Variants in EZH2 observed in about 807,000 individuals in gnomAD.
EZH2 encodes enhancer of zeste 2 polycomb repressive complex 2 subunit, also known as histone-lysine N-methyltransferase EZH2.
A neutral mutation model predicts 98.4 loss-of-function variants in EZH2; 18 were observed. That is an observed-to-expected ratio of 0.18 (90% CI 0.13 to 0.27). EZH2 has a LOEUF of 0.27. Among genes scored for constraint, EZH2 ranks in the 10% least tolerant of loss-of-function variants. The pLI is 1.00. For synonymous variants in EZH2, 338 were observed against 312.3 expected, an observed-to-expected ratio of 1.08 and a Z score of -0.87; for missense variants, 470 against 935.1, an observed-to-expected ratio of 0.50 and a Z score of 6.49.
chr7:148,832,443 A>G (rs991334449), intron 4 of EZH2, among the ~76,000 whole-genome samples, 191 bp downstream of exon 4: 8 of 152,198 alleles, frequency 5.3e-5, no homozygotes, highest in Non-Finnish European at 1.2e-4. Flanking sequence ...TGGAGAGTAT[A>G]GGAAAAGAGT....
In EZH2 at chr7:148,826,485, A is replaced by G. The variant is rs1433644033; in HGVS notation, c.876T>C (p.Tyr292=). Residue 292 remains tyrosine, a synonymous_variant, in exon 8 of 20, where the codon TAT becomes TAC. Transcript: ENST00000320356. The part of the protein sequence containing the change: ...HTLFCRRCFK[Y]DCFLHRKCNY... ...TGCACTTACGATGTAGGAAGCAGTC[A>G]TATTTAAAACATCGCCTACAGAAAA... The G allele has an allele frequency of 5.6e-6, 9 of 1,597,034 alleles. No homozygotes were observed. The highest frequency in any genetic ancestry group is 6.8e-6 in the Non-Finnish European group (8 of 1,170,542).
intron 1 of EZH2, among the ~76,000 whole-genome samples, chr7:148,882,820 G>T (rs1013220678): frequency 1.3e-5 from 2 of 152,174 alleles, no homozygotes; most frequent in African/African-American, 2.4e-5. Flanking sequence ...ATTTCCAAAT[G>T]AATTTAAATG....
chr7:148,858,291 C>A (rs80256707), intron 1 of EZH2, among the ~76,000 whole-genome samples: 20 of 144,606 alleles, frequency 1.4e-4, no homozygotes, highest in Non-Finnish European at 1.5e-4. Flanking sequence ...GACTCTGTCT[C>A]AAAAAAAAAA....
chr7:148,825,370 G>A (rs1807392492), intron 8 of EZH2, among the ~76,000 whole-genome samples: 1 of 152,192 alleles, frequency 6.6e-6, no homozygotes, highest in Admixed American at 6.5e-5. Flanking sequence ...CAAGAGCAAG[G>A]AGGTAACAAT....
chr7:148,826,430 C>A, intron 8 of EZH2, 24 bp downstream of exon 8: 1 of 1,526,054 alleles, frequency 6.6e-7, no homozygotes, highest in Non-Finnish European at 8.8e-7. Flanking sequence ...AATTCCACAA[C>A]AAAGATAGAA....
At chr7:148,859,680 C>T (rs1009492626) in intron 1 of EZH2, among the ~76,000 whole-genome samples, 3 of 152,200 alleles carry the variant, frequency 2.0e-5, no homozygotes, top group Non-Finnish European at 2.9e-5. Flanking sequence ...GCCCATGGGA[C>T]ACAGAGATCC....
rs776298138 is a variant in EZH2, at chr7:148,828,828, A to C, written c.537T>G (p.Gly179=). The change falls in exon 6 of 20, where the codon GGT becomes GGG. Residue 179 remains glycine, a synonymous_variant. Transcript: ENST00000320356. ...EIFVELVNAL[G]QYNDDDDDDD... is the part of the protein sequence containing the mutation. The stretch of plus-strand genomic sequence containing the variant: ...CATCATCGTCATCATCATTATATTG[A>C]CCAAGGGCATTCACCAACTCCACAA... 10 of 1,613,592 alleles carry C rather than the reference A, an allele frequency of 6.2e-6. No homozygotes were observed. In the Admixed American group the frequency reaches 8.3e-5, roughly 13 times the overall value.
intron 1 of EZH2, among the ~76,000 whole-genome samples, chr7:148,862,930 T>TTTTTA (rs1563057916): frequency 1.3e-5 from 2 of 151,300 alleles, no homozygotes; most frequent in African/African-American, 4.9e-5. Flanking sequence ...TTTGTTTTTT[T>TTTTTA]AAAAAAAAGC....
intron 8 of EZH2, among the ~76,000 whole-genome samples, chr7:148,824,378 G>C (rs1429329913): frequency 6.6e-6 from 1 of 150,448 alleles, no homozygotes; most frequent in African/African-American, 2.4e-5. Flanking sequence ...TACCATCTGA[G>C]TCAATGATGG....
intron 8 of EZH2, among the ~76,000 whole-genome samples, chr7:148,826,092 T>G (rs1014524471): frequency 2.6e-4 from 40 of 152,168 alleles, no homozygotes; most frequent in Non-Finnish European, 7.3e-5. Flanking sequence ...AACATTTTTT[T>G]GGCCAATTTC....
chr7:148,839,568 AT>A (rs1053607777), intron 3 of EZH2, among the ~76,000 whole-genome samples: 11 of 149,838 alleles, frequency 7.3e-5, no homozygotes, highest in South Asian at 6.4e-4. Context: ...AAAAAAAACT[AT>A]TTTTTTTTGT....
chr7:148,865,031 G>A (rs1025451423), intron 1 of EZH2, among the ~76,000 whole-genome samples: 9 of 151,892 alleles, frequency 5.9e-5, no homozygotes, highest in Non-Finnish European at 2.9e-5. Context: ...GGAGTCTGAG[G>A]CAGGAGAATC....
At chr7:148,864,125 T>C (rs1449320281) in intron 1 of EZH2, among the ~76,000 whole-genome samples, 2 of 152,234 alleles carry the variant, frequency 1.3e-5, no homozygotes, top group Non-Finnish European at 2.9e-5. Flanking sequence ...AACTTGACCG[T>C]TGCAGCAAAA....
intron 1 of EZH2, among the ~76,000 whole-genome samples, chr7:148,854,193 C>G (rs1009289037): frequency 2.6e-5 from 4 of 152,172 alleles, no homozygotes; most frequent in African/African-American, 9.7e-5. Flanking sequence ...CGCCAATAAT[C>G]CCAGCACTTT....
rs924758768 is a variant in EZH2, at chr7:148,810,896, C to CAAA, written c.1948-485_1948-483dup. Among the ~76,000 whole-genome samples the CAAA allele has an allele frequency of 3.6e-3, 157 of 43,648 alleles. 3 individuals are homozygous for CAAA. Among genetic ancestry groups the CAAA allele is most frequent in the Middle Eastern group, 0.011 (1 of 88 alleles). 28.6% of individuals were successfully genotyped at this position (43,648 alleles called of 152,430 possible). A position where few individuals can be genotyped will look rare whatever the true frequency, so the allele number is the denominator to read the frequency against. ...GGGCAACAAGAGCGAAACTCTGTCTCAAAAAAAAAAAAAAAAAAAAAAAAA... is the reference window on the plus strand; with the variant it reads ...GGGCAACAAGAGCGAAACTCTGTCTCAAAAAAAAAAAAAAAAAAAAAAAAAAAA... On this transcript the variant is annotated intron_variant, in intron 16 of 19. Coordinates refer to ENST00000320356, the MANE Select transcript of EZH2 (RefSeq NM_004456.5).
chr7:148,846,027 A>T (rs1006504160), intron 3 of EZH2, among the ~76,000 whole-genome samples: 1 of 152,234 alleles, frequency 6.6e-6, no homozygotes, highest in African/African-American at 2.4e-5. Flanking sequence ...AAGAAATTTA[A>T]AAATTCTTAT....
At position 148,828,218 on chromosome 7, in the gene EZH2, C is replaced by T. The variant is rs570355978; in HGVS notation, c.625+522G>A. ...AAGTGATTAGTACACAACTTGTACA[C>T]GGTGAATATCAATGTTATATATTAT... On this transcript the variant is annotated intron_variant, in intron 6 of 19. Transcript: ENST00000320356. 1.2e-4 allele frequency among the ~76,000 whole-genome samples: 19 copies of T among 152,182 alleles called. No homozygotes were observed. The East Asian group carries it at 3.1e-3, about 25-fold the overall frequency.
At position 148,809,301 on chromosome 7, in the gene EZH2, G is replaced by A. The variant is rs768904493; in HGVS notation, c.2110+9C>T. 6.3e-7 allele frequency: 1 copy of A among 1,599,474 alleles called. No individual in the cohort carries two copies. The highest frequency in any genetic ancestry group is 1.7e-5 in the Admixed American group (1 of 59,838). ...AGGGAGTTCCAATTCTCACGTCAAA[G>A]GTACCTACCTTTTGCATAGCAGTTT... On this transcript the variant is annotated intron_variant, in intron 18 of 19. Transcript: ENST00000320356.
At chr7:148,834,332 AATC>A (rs1321080545) in intron 3 of EZH2, among the ~76,000 whole-genome samples, 2 of 130,468 alleles carry the variant, frequency 1.5e-5, no homozygotes, top group African/African-American at 6.9e-5. Flanking sequence ...GAAACTGAAA[AATC>A]ATTATATATA....
Sources: allele counts gnomAD v4.1 joint callset (sites outside exome capture counted in the v4.1 genomes callset), GRCh38; gene constraint gnomAD v4.1.1; transcripts MANE v1.5; gene names NCBI Gene and HGNC (gene_info 2026-07-23, HGNC 2026-07-21).